RYR3: variants seen among roughly 807,000 people sequenced by gnomAD.
RYR3 encodes brain ryanodine receptor-calcium release channel.
Under a neutral mutation model 584.3 loss-of-function variants are expected in RYR3, and 207 were observed. The ratio of observed to expected loss-of-function variants is 0.35; its 90% CI spans 0.32 to 0.40. The LOEUF (loss-of-function observed/expected upper bound fraction) is 0.40, where lower values mean the gene tolerates loss of function less well. Among genes scored for constraint, RYR3 ranks in the 10% least tolerant of loss-of-function variants. The pLI is 1.00. For missense variants in RYR3, 5,616 were observed against 6,089.2 expected (o/e 0.92, Z 2.59); for synonymous variants, 2,416 against 2,248.5 (o/e 1.07, Z -2.11).
chr15:33,584,531 G>GA, intron 15 of RYR3, 41 bp downstream of exon 15: 10 of 782,858 alleles, frequency 1.3e-5, no homozygotes, highest in Non-Finnish European at 2.0e-5. Context: ...AAGATGAAGG[G>GA]TTTTTTTTTT....
At chr15:33,418,583 A>G (rs2043998812) in intron 1 of RYR3, among the ~76,000 whole-genome samples, 2 of 152,174 alleles carry the variant, frequency 1.3e-5, no homozygotes, top group Admixed American at 6.5e-5. Flanking sequence ...GTAGTTGGAG[A>G]AACTGGACTT....
At chr15:33,517,657 A>G (rs748180226) in intron 3 of RYR3, among the ~76,000 whole-genome samples, 11 of 152,176 alleles carry the variant, frequency 7.2e-5, no homozygotes, top group Non-Finnish European at 1.5e-4. Flanking sequence ...TTGCAGCAAC[A>G]AAGTGACCCA....
intron 1 of RYR3, among the ~76,000 whole-genome samples, chr15:33,436,054 C>T (rs962998000): frequency 1.3e-5 from 2 of 152,194 alleles, no homozygotes; most frequent in African/African-American, 2.4e-5. Context: ...CATTTACAAT[C>T]CTCTAGCTAG....
At chr15:33,863,572 T>C (rs901148947) in intron 102 of RYR3, among the ~76,000 whole-genome samples, 15 of 152,198 alleles carry the variant, frequency 9.9e-5, no homozygotes, top group Non-Finnish European at 1.8e-4. Context: ...GGGATACTTA[T>C]GTGTCACAGA....
intron 1 of RYR3, among the ~76,000 whole-genome samples, chr15:33,456,136 G>A (rs1012283130): frequency 6.6e-6 from 1 of 152,110 alleles, no homozygotes; most frequent in Non-Finnish European, 1.5e-5. Flanking sequence ...GATCTCCTCT[G>A]CTATGTTTTT....
At chr15:33,726,241 TG>T in intron 45 of RYR3, 144 bp from the exon 46 acceptor site, 1 of 812,562 alleles carries the variant, frequency 1.2e-6, no homozygotes, top group African/African-American at 1.7e-5. Context: ...TCTTTCCCTG[TG>T]GCCACAAGTG....
chr15:33,358,303 A>G (rs1003208713), intron 1 of RYR3, among the ~76,000 whole-genome samples: 2 of 152,184 alleles, frequency 1.3e-5, no homozygotes, highest in East Asian at 1.9e-4. Context: ...CACTCTACCT[A>G]CTGAGGCACT....
At chr15:33,381,848 C>T (rs1354774662) in intron 1 of RYR3, among the ~76,000 whole-genome samples, 1 of 152,208 alleles carries the variant, frequency 6.6e-6, no homozygotes, top group African/African-American at 2.4e-5. Flanking sequence ...TGTTGATTTT[C>T]ATTCAGACTC....
At chr15:33,408,100 G>T (rs1321158971) in intron 1 of RYR3, among the ~76,000 whole-genome samples, 1 of 152,024 alleles carries the variant, frequency 6.6e-6, no homozygotes, top group Non-Finnish European at 1.5e-5. Context: ...TGAGGTTGGG[G>T]CATGAATGAT....
intron 43 of RYR3, among the ~76,000 whole-genome samples, chr15:33,708,816 G>T (rs1037202699): frequency 1.3e-5 from 2 of 152,144 alleles, no homozygotes; most frequent in East Asian, 1.9e-4. Flanking sequence ...GAGGGGAGGG[G>T]GTTCTTATTC....
intron 98 of RYR3, chr15:33,856,907 T>G (rs996042128): frequency 2.0e-5 from 3 of 152,304 alleles, no homozygotes; most frequent in African/African-American, 7.2e-5. Context: ...TCCGCCCGCC[T>G]CGGCCTCCTA....
chr15:33,789,270 G>A (rs1386700055), intron 67 of RYR3, among the ~76,000 whole-genome samples: 4 of 152,046 alleles, frequency 2.6e-5, no homozygotes, highest in Non-Finnish European at 5.9e-5. Flanking sequence ...CTCTGAGTCA[G>A]ATAACAAGCC....
rs749414282 is a variant in RYR3, at chr15:33,662,324, C to G, written c.4794C>G (p.Leu1598=). The stretch of plus-strand genomic sequence containing the variant: ...TCTATGCCATTGACAACAAGTACCT[C>G]CCCGGCCTCCTTCGATCTGGTTTCT... The part of the protein sequence containing the change: ...QLFYAIDNKY[L]PGLLRSGFYD... Residue 1598 remains leucine (L), a synonymous_variant, in exon 35 of 104, where the codon CTC becomes CTG. Transcript: ENST00000634891. The G allele has an allele frequency of 3.7e-6, 6 of 1,611,896 alleles. No individual in the cohort carries two copies. Among genetic ancestry groups the G allele is most frequent in the Non-Finnish European group, 5.1e-6 (6 of 1,179,132 alleles).
chr15:33,749,857 C>A, intron 55 of RYR3, 122 bp from the exon 56 acceptor site: 1 of 732,906 alleles, frequency 1.4e-6, no homozygotes. Context: ...AAGCCCTTGG[C>A]CGTCTGCTGT....
At chr15:33,822,921 C>G in intron 80 of RYR3, 75 bp from the exon 81 acceptor site, 1 of 1,190,900 alleles carries the variant, frequency 8.4e-7, no homozygotes, top group Non-Finnish European at 1.2e-6. Context: ...GGGGATTTCT[C>G]CATCAGGATT....
intron 34 of RYR3, among the ~76,000 whole-genome samples, chr15:33,660,710 TG>T (rs1406540593): frequency 6.6e-6 from 1 of 152,220 alleles, no homozygotes; most frequent in African/African-American, 2.4e-5. Flanking sequence ...CCTTGAAATA[TG>T]CATCATTTAT....
chr15:33,336,905 A>C (rs191699030), intron 1 of RYR3, among the ~76,000 whole-genome samples: 1 of 151,746 alleles, frequency 6.6e-6, no homozygotes, highest in African/African-American at 2.4e-5. Context: ...AATACAAAAA[A>C]AAATTAGCCG....
At chr15:33,657,264 G>A (rs2152696989) in intron 32 of RYR3, among the ~76,000 whole-genome samples, 1 of 152,148 alleles carries the variant, frequency 6.6e-6, no homozygotes, top group East Asian at 1.9e-4. Flanking sequence ...CTGGAGTTTG[G>A]GCAGTTTATG....
At chr15:33,320,973 G>A (rs1968886813) in intron 1 of RYR3, among the ~76,000 whole-genome samples, 1 of 152,184 alleles carries the variant, frequency 6.6e-6, no homozygotes, top group African/African-American at 2.4e-5. Flanking sequence ...CAGGCTTTGT[G>A]AATGGAAATG....
Sources: gnomAD v4.1 joint callset for allele counts (sites outside exome capture counted in the v4.1 genomes callset) on GRCh38, gnomAD v4.1.1 for gene constraint, MANE v1.5 for transcripts, NCBI Gene and HGNC (gene_info 2026-07-23, HGNC 2026-07-21) for gene names.